The following EMCN variants were observed in gnomAD, a reference collection of about 807,000 sequenced individuals.
EMCN encodes the protein MUC-14.
EMCN carries 37 observed loss-of-function variants against 38.4 expected under a neutral mutation model. The ratio of observed to expected loss-of-function variants is 0.96; its 90% CI spans 0.74 to 1.27. The LOEUF (loss-of-function observed/expected upper bound fraction) is 1.27. Among genes scored for constraint, EMCN ranks in the 50% most tolerant of loss-of-function variants. EMCN has a pLI of 0.00. For missense variants in EMCN, 318 were observed against 302.8 expected, an observed-to-expected ratio of 1.05 and a Z score of -0.37; for synonymous variants, 95 against 100.8, an observed-to-expected ratio of 0.94 and a Z score of 0.35.
chr4:100,479,088 T>A (rs927062920), intron 2 of EMCN, among the ~76,000 whole-genome samples: 1 of 152,186 alleles, frequency 6.6e-6, no homozygotes, highest in African/African-American at 2.4e-5. Context: ...CTAGCTTTCA[T>A]TGGTCTTCTG....
At chr4:100,444,510 G>C (rs892328202) in intron 5 of EMCN, among the ~76,000 whole-genome samples, 1 of 152,120 alleles carries the variant, frequency 6.6e-6, no homozygotes, top group Admixed American at 6.6e-5. Flanking sequence ...GACTGCTCTG[G>C]TGTGCAGAAG....
At chr4:100,480,184 T>C in intron 1 of EMCN, 145 bp from the exon 2 acceptor site, 1 of 643,614 alleles carries the variant, frequency 1.6e-6, no homozygotes, top group East Asian at 3.5e-5. Flanking sequence ...TAGCTCAGCA[T>C]TTATTCATTA....
In EMCN at chr4:100,492,757, C is replaced by T. The variant is rs187807075; in HGVS notation, c.65-12718G>A. Among the ~76,000 whole-genome samples the T allele has an allele frequency of 1.0e-3, 154 of 152,122 alleles. 2 individuals carry two copies. Among genetic ancestry groups the T allele is most frequent in the Non-Finnish European group, 6.6e-4 (45 of 67,988 alleles). On this transcript the variant is annotated intron_variant, in intron 1 of 11. Coordinates refer to ENST00000296420, the MANE Select transcript of EMCN (RefSeq NM_016242.4). Reference sequence around the variant, plus strand: ...TAATATATATATCCAATGTCCTTTGCGAATGGAAGAGAAGACACTAAATAA... The same window carrying T: ...TAATATATATATCCAATGTCCTTTGTGAATGGAAGAGAAGACACTAAATAA...
intron 4 of EMCN, among the ~76,000 whole-genome samples, chr4:100,450,391 A>G (rs1727804312): frequency 6.6e-6 from 1 of 152,028 alleles, no homozygotes. Flanking sequence ...AGAAATCTTG[A>G]ACAGCAATAC....
At chr4:100,477,788 G>T (rs911473530) in intron 2 of EMCN, among the ~76,000 whole-genome samples, 4 of 138,932 alleles carry the variant, frequency 2.9e-5, no homozygotes, top group African/African-American at 1.1e-4. Context: ...CTTCACTACA[G>T]ATACCTTTTT....
chr4:100,449,568 C>A (rs1350073216), intron 4 of EMCN, among the ~76,000 whole-genome samples: 2 of 152,052 alleles, frequency 1.3e-5, no homozygotes, highest in Non-Finnish European at 2.9e-5. Flanking sequence ...CTATTAGCTG[C>A]AAGAGGGTTA....
chr4:100,412,043 A>G (rs1361629095), intron 10 of EMCN, among the ~76,000 whole-genome samples: 1 of 150,282 alleles, frequency 6.7e-6, no homozygotes, highest in East Asian at 1.9e-4. Context: ...ATAGCATACC[A>G]ATTAGTTAGT....
At chr4:100,505,398 T>G (rs1026671144) in intron 1 of EMCN, among the ~76,000 whole-genome samples, 1 of 152,124 alleles carries the variant, frequency 6.6e-6, no homozygotes, top group Non-Finnish European at 1.5e-5. Flanking sequence ...TTGGACTGTT[T>G]CCTGTGGGCC....
intron 3 of EMCN, 73 bp from the exon 4 acceptor site, chr4:100,465,612 T>G (rs944768769): frequency 5.3e-6 from 4 of 749,640 alleles, no homozygotes; most frequent in Non-Finnish European, 8.4e-6. Context: ...CATATTAATA[T>G]CCAACTAAAA....
chr4:100,490,589 T>C (rs1729052581), intron 1 of EMCN, among the ~76,000 whole-genome samples: 1 of 152,202 alleles, frequency 6.6e-6, no homozygotes, highest in African/African-American at 2.4e-5. Context: ...GATACATGCA[T>C]ACTTACCATT....
intron 10 of EMCN, among the ~76,000 whole-genome samples, chr4:100,411,366 G>A (rs887634965): frequency 6.6e-6 from 1 of 152,186 alleles, no homozygotes; most frequent in Non-Finnish European, 1.5e-5. Context: ...TGAAGTACTG[G>A]AATGAGAAGT....
At chr4:100,425,456 G>A (rs747230621) in intron 5 of EMCN, among the ~76,000 whole-genome samples, 5 of 152,038 alleles carry the variant, frequency 3.3e-5, no homozygotes, top group African/African-American at 9.7e-5. Flanking sequence ...GTGGCTAAGA[G>A]CATGATTCTG....
intron 4 of EMCN, among the ~76,000 whole-genome samples, chr4:100,460,346 T>C (rs1435700119): frequency 1.3e-5 from 2 of 152,160 alleles, no homozygotes; most frequent in African/African-American, 4.8e-5. Context: ...ATTTGTATGG[T>C]TTGCAAATAT....
At position 100,479,977 on chromosome 4, in the gene EMCN, G is replaced by T; in HGVS notation, c.127C>A (p.Pro43Thr). The T allele has an allele frequency of 6.2e-7, 1 of 1,608,428 alleles. No homozygotes were observed. Among genetic ancestry groups the T allele is most frequent in the Non-Finnish European group, 8.5e-7 (1 of 1,177,972 alleles). Residue 43 changes from proline (P) to threonine (T), a missense_variant, in exon 2 of 12, where the codon CCA (proline) becomes ACA (threonine). Physicochemically the swap from Pro to Thr is conservative, Grantham distance 38 (BLOSUM62 -1). Coordinates refer to ENST00000296420, the MANE Select transcript of EMCN (RefSeq NM_016242.4). ...VTTTKPSITTPNTESLQKNVV... is the reference protein window; with the variant it reads ...VTTTKPSITTTNTESLQKNVV... ...TTTTTCTGTAATGATTCTGTGTTTG[G>T]TGTTGTTATAGATGGTTTTGTTGTA...
At chr4:100,490,642 A>G (rs2110291627) in intron 1 of EMCN, among the ~76,000 whole-genome samples, 1 of 152,300 alleles carries the variant, frequency 6.6e-6, no homozygotes, top group East Asian at 1.9e-4. Flanking sequence ...AACATGTTAC[A>G]TCGGTTTTTA....
chr4:100,423,770 G>GT (rs896339510), intron 5 of EMCN, among the ~76,000 whole-genome samples: 4 of 151,940 alleles, frequency 2.6e-5, no homozygotes, highest in South Asian at 2.1e-4. Flanking sequence ...GGGTGATAGT[G>GT]TTTTTTTTCT....
intron 1 of EMCN, among the ~76,000 whole-genome samples, chr4:100,509,626 A>G (rs1729572993): frequency 1.3e-5 from 2 of 152,350 alleles, no homozygotes; most frequent in South Asian, 2.1e-4. Context: ...ACCACAAAAA[A>G]GTATTTCTTT....
intron 8 of EMCN, among the ~76,000 whole-genome samples, chr4:100,418,496 A>G (rs770871919): frequency 3.2e-4 from 49 of 152,060 alleles, no homozygotes; most frequent in Admixed American, 9.2e-4. Flanking sequence ...GGTTTTACCC[A>G]TACTTCATAC....
At chr4:100,452,080 T>C (rs1468798260) in intron 4 of EMCN, among the ~76,000 whole-genome samples, 4 of 151,958 alleles carry the variant, frequency 2.6e-5, no homozygotes, top group Admixed American at 6.6e-5. Context: ...CTTGGCATGA[T>C]TGAAGTGCCA....
Sources: allele counts gnomAD v4.1 joint callset (sites outside exome capture counted in the v4.1 genomes callset), GRCh38; gene constraint gnomAD v4.1.1; transcripts MANE v1.5; gene names NCBI Gene and HGNC (gene_info 2026-07-23, HGNC 2026-07-21).